TCEA3: variants seen among roughly 807,000 people sequenced by gnomAD.
TCEA3 encodes the protein transcription elongation factor A3.
A neutral mutation model predicts 44.0 loss-of-function variants in TCEA3; 36 were observed. That is an observed-to-expected ratio of 0.82 (90% CI 0.63 to 1.08). The LOEUF (loss-of-function observed/expected upper bound fraction) is 1.08, where lower values mean the gene tolerates loss of function less well. TCEA3 is among the 50% of genes least tolerant of loss of function. The probability of loss-of-function intolerance (pLI) is 0.00; values close to 1 mark genes in which losing one functional copy is unlikely to be tolerated. For missense variants in TCEA3, 392 were observed against 441.2 expected (o/e 0.89, Z 1.00); for synonymous variants, 162 against 159.7 (o/e 1.01, Z -0.11).
intron 5 of TCEA3, among the ~76,000 whole-genome samples, chr1:23,400,004 G>A (rs929402119): frequency 3.3e-5 from 5 of 152,090 alleles, no homozygotes. Flanking sequence ...CAGAAATGAT[G>A]GAAGTGTAGA....
At chr1:23,387,065 C>T (rs533361598) in intron 9 of TCEA3, among the ~76,000 whole-genome samples, 1 of 152,170 alleles carries the variant, frequency 6.6e-6, no homozygotes, top group South Asian at 2.1e-4. Context: ...GTTGGCCAGG[C>T]TGGTCTCAAA....
At chr1:23,401,924 C>T (rs919347969) in intron 5 of TCEA3, among the ~76,000 whole-genome samples, 9 of 152,154 alleles carry the variant, frequency 5.9e-5, no homozygotes, top group African/African-American at 2.2e-4. Flanking sequence ...GGAACAGTTT[C>T]GTCTTGAAAC....
At chr1:23,384,860 T>C (rs1036394600) in intron 9 of TCEA3, among the ~76,000 whole-genome samples, 1 of 151,876 alleles carries the variant, frequency 6.6e-6, no homozygotes, top group African/African-American at 2.4e-5. Flanking sequence ...TGTTGGTCAC[T>C]CTTGTTGATC....
rs763410302 is a variant in TCEA3, at chr1:23,417,889, C to T, written c.238+15G>A. On this transcript the variant is annotated intron_variant, in intron 3 of 10. Transcript: ENST00000450454. ...GGAGAAAAACAGGGCTCAAGACAAC[C>T]TTGTCCTCTCTCACCTAGCAGCCGC... The T allele has an allele frequency of 3.1e-6, 5 of 1,612,970 alleles. No homozygotes were observed. The highest frequency in any genetic ancestry group is 4.2e-6 in the Non-Finnish European group (5 of 1,178,938).
At chr1:23,393,359 C>G (rs969807170) in intron 8 of TCEA3, among the ~76,000 whole-genome samples, 3 of 151,994 alleles carry the variant, frequency 2.0e-5, no homozygotes, top group African/African-American at 7.3e-5. Flanking sequence ...TACGCACATG[C>G]TCCATACATA....
intron 4 of TCEA3, among the ~76,000 whole-genome samples, chr1:23,415,792 T>C (rs1293042305): frequency 6.6e-6 from 1 of 152,100 alleles, no homozygotes; most frequent in Admixed American, 6.5e-5. Context: ...ACTTGCAAAA[T>C]GAGCAATGGA....
intron 5 of TCEA3, among the ~76,000 whole-genome samples, chr1:23,402,718 G>A (rs1016240184): frequency 2.0e-5 from 3 of 152,116 alleles, no homozygotes; most frequent in Middle Eastern, 3.2e-3. Flanking sequence ...TATAAACATC[G>A]TCTGCCTCCA....
chr1:23,385,121 G>A (rs1460666583), intron 9 of TCEA3, among the ~76,000 whole-genome samples: 1 of 152,162 alleles, frequency 6.6e-6, no homozygotes, highest in South Asian at 2.1e-4. Context: ...TCAGGTGCAG[G>A]AACCGGGTAT....
chr1:23,398,002 G>C, intron 5 of TCEA3, 47 bp from the exon 6 acceptor site: 1 of 1,599,944 alleles, frequency 6.3e-7, no homozygotes, highest in Non-Finnish European at 8.5e-7. Context: ...AGAGAGTAAA[G>C]CATTTATTGA....
chr1:23,395,326 G>A (rs930224070), intron 7 of TCEA3, among the ~76,000 whole-genome samples: 3 of 152,222 alleles, frequency 2.0e-5, no homozygotes, highest in Admixed American at 2.0e-4. Context: ...CCACAGAGGG[G>A]ACGAGGCAGA....
At chr1:23,390,824 C>T (rs1168403061) in intron 8 of TCEA3, among the ~76,000 whole-genome samples, 1 of 152,182 alleles carries the variant, frequency 6.6e-6, no homozygotes. Context: ...CTGTGATGTA[C>T]CAGACACTGT....
chr1:23,403,409 G>A (rs1034602790), intron 5 of TCEA3: 1 of 152,122 alleles, frequency 6.6e-6, no homozygotes, highest in East Asian at 1.9e-4. Context: ...CCATCTTATG[G>A]GGCAGATGAA....
At chr1:23,412,210 A>AAAGGAACTC (rs1237973336) in intron 4 of TCEA3, 1 of 152,152 alleles carries the variant, frequency 6.6e-6, no homozygotes, top group Non-Finnish European at 1.5e-5. Flanking sequence ...AATCACGTAT[A>AAAGGAACTC]ATCTTTATAG....
At chr1:23,399,144 G>GTATA (rs60424866) in intron 5 of TCEA3, among the ~76,000 whole-genome samples, 5,457 of 60,752 alleles carry the variant, frequency 0.09, 352 homozygotes, top group Middle Eastern at 0.14. Context: ...ATGTATATAT[G>GTATA]TATATATATA....
Position 23,387,288 on chromosome 1 carries a change from G to GTTC in TCEA3, c.948_950dup (p.Lys316dup). 1 of 1,613,912 alleles carries GTTC rather than the reference G, an allele frequency of 6.2e-7. No homozygotes were observed. The highest frequency in any genetic ancestry group is 8.5e-7 in the Non-Finnish European group (1 of 1,179,886). ...CTGTCCTTACCTGGTTATAGGTGCA[G>GTTC]TTCTTCTTCTTGCATTTGCTGCACT... is the stretch of plus-strand genomic sequence containing the variant. On this transcript the variant is annotated inframe_insertion, in exon 9 of 11. Coordinates refer to ENST00000450454, the MANE Select transcript of TCEA3 (RefSeq NM_003196.3).
chr1:23,403,866 G>T, intron 5 of TCEA3: 1 of 523,448 alleles, frequency 1.9e-6, no homozygotes, highest in East Asian at 3.1e-5. Flanking sequence ...CCCCGGTTAG[G>T]AGCTGGCTGG....
At chr1:23,419,425 T>G in intron 1 of TCEA3, 1 of 318,450 alleles carries the variant, frequency 3.1e-6, no homozygotes. Context: ...CTTCCCCATC[T>G]TTCCTCCCAA....
intron 9 of TCEA3, among the ~76,000 whole-genome samples, chr1:23,385,261 G>A (rs1170066921): frequency 1.3e-5 from 2 of 152,190 alleles, no homozygotes; most frequent in Non-Finnish European, 2.9e-5. Flanking sequence ...GATGTCAGCT[G>A]GGAATCTGTG....
At chr1:23,387,126 T>C in intron 9 of TCEA3, 147 bp downstream of exon 9, 1 of 1,048,154 alleles carries the variant, frequency 9.5e-7, no homozygotes, top group Non-Finnish European at 1.3e-6. Context: ...GTGCTGTGAT[T>C]ACAGACATGA....
Sources: allele counts gnomAD v4.1 joint callset (sites outside exome capture counted in the v4.1 genomes callset), GRCh38; gene constraint gnomAD v4.1.1; transcripts MANE v1.5; gene names NCBI Gene and HGNC (gene_info 2026-07-23, HGNC 2026-07-21).